The following CABLES1 variants were observed in gnomAD, a reference collection of about 807,000 sequenced individuals.
The protein encoded by CABLES1 is CDK5 and ABL1 enzyme substrate 1.
A neutral mutation model predicts 57.8 loss-of-function variants in CABLES1; 36 were observed. The ratio of observed to expected loss-of-function variants is 0.62; its 90% CI spans 0.48 to 0.82. CABLES1 has a LOEUF of 0.82. Among genes scored for constraint, CABLES1 ranks in the 40% least tolerant of loss-of-function variants. The pLI, the probability that CABLES1 is intolerant of heterozygous loss-of-function variation, is 0.00. For missense variants in CABLES1, 767 were observed against 836.6 expected (o/e 0.92, Z 1.03); for synonymous variants, 374 against 363.0 (o/e 1.03, Z -0.35).
intron 1 of CABLES1, among the ~76,000 whole-genome samples, chr18:23,181,034 G>T (rs989023987): frequency 1.3e-5 from 2 of 152,176 alleles, no homozygotes; most frequent in African/African-American, 2.4e-5. Context: ...GGTAAAGGAG[G>T]CTAGAACATG....
chr18:23,230,955 A>G (rs2047563276), intron 4 of CABLES1, among the ~76,000 whole-genome samples: 1 of 152,190 alleles, frequency 6.6e-6, no homozygotes, highest in South Asian at 2.1e-4. Context: ...AATCTTTATC[A>G]TGGCTGGGAG....
At chr18:23,215,648 G>A (rs185480110) in intron 4 of CABLES1, among the ~76,000 whole-genome samples, 239 of 152,268 alleles carry the variant, frequency 1.6e-3, no homozygotes, top group African/African-American at 5.5e-3. Flanking sequence ...CCAGGTGCCC[G>A]GGACAAAGGC....
At position 23,253,844 on chromosome 18, in the gene CABLES1, CAG is replaced by C. The variant is rs2048099877; in HGVS notation, c.1671_1672del (p.Asn558ProfsTer18). On this transcript the variant is annotated frameshift_variant, in exon 9 of 10. Transcript: ENST00000256925. LOFTEE classifies it high-confidence loss of function. ...CGCCCTCAAGGGGAAACTCAACAAA[CAG>C]AACCGGAAGCTGTGTGCTGGGGCAT... Reference protein sequence around the residue: ...KLALKGKLNKQNRKLCAGACV... With the variant: ...KLALKGKLNKXNRKLCAGACV... 6.2e-7 allele frequency: 1 copy of C among 1,614,114 alleles called. No individual in the cohort carries two copies. The highest frequency in any genetic ancestry group is 8.5e-7 in the Non-Finnish European group (1 of 1,180,056).
chr18:23,257,505 T>A lies in CABLES1; in HGVS notation c.*138T>A. 1 of 969,640 alleles carries A rather than the reference T, an allele frequency of 1.0e-6. No individual in the cohort carries two copies. Among genetic ancestry groups the A allele is most frequent in the Non-Finnish European group, 1.5e-6 (1 of 686,098 alleles). 60.1% of individuals were successfully genotyped at this position (969,640 alleles called of 1,614,324 possible). ...CTCGACATAGTTTGGGGAGAAGCAG[T>A]ACTAGAAACTTTCCAAGGAGTCTTG... On this transcript the variant is annotated 3_prime_UTR_variant, in exon 10 of 10. Transcript: ENST00000256925.
chr18:23,230,944 G>A (rs879329588), intron 4 of CABLES1, among the ~76,000 whole-genome samples: 6 of 152,198 alleles, frequency 3.9e-5, no homozygotes, highest in East Asian at 1.9e-4. Context: ...TGTGAATTAC[G>A]AATCTTTATC....
intron 3 of CABLES1, among the ~76,000 whole-genome samples, chr18:23,201,907 GGGAGCCAGCCCT>G (rs1333515649): frequency 6.6e-6 from 1 of 152,190 alleles, no homozygotes; most frequent in African/African-American, 2.4e-5. Context: ...AGGGAGGTGA[GGGAGCCAGCCCT>G]GGGGCTATCC....
At chr18:23,197,538 C>T (rs778609819) in intron 3 of CABLES1, 1 of 152,510 alleles carries the variant, frequency 6.6e-6, no homozygotes, top group African/African-American at 2.4e-5. Flanking sequence ...TGCTACAAAT[C>T]GTTGGGCCAG....
chr18:23,203,091 G>C (rs956399289), intron 3 of CABLES1, among the ~76,000 whole-genome samples: 2 of 152,080 alleles, frequency 1.3e-5, no homozygotes, highest in Non-Finnish European at 2.9e-5. Context: ...GGTGCTCCCA[G>C]TTCTTGAGAC....
At chr18:23,188,018 A>G (rs753372786) in intron 1 of CABLES1, among the ~76,000 whole-genome samples, 20 of 152,190 alleles carry the variant, frequency 1.3e-4, no homozygotes, top group Non-Finnish European at 2.9e-4. Flanking sequence ...GAACAACCCA[A>G]ACTTTTTCAA....
In CABLES1 at chr18:23,236,054, A is replaced by AAC; in HGVS notation, c.1342+4_1342+5dup. The AAC allele has an allele frequency of 6.2e-7, 1 of 1,613,822 alleles. No homozygotes were observed. Reference sequence around the variant, plus strand: ...CACCCAGGGGAGCCTCGACACAGGTAACCTTGGCCTGGCTGGGTCTGGTAG... The same window carrying AAC: ...CACCCAGGGGAGCCTCGACACAGGTAACACCTTGGCCTGGCTGGGTCTGGTAG... On this transcript the variant is annotated splice_donor_region_variant and intron_variant, in intron 6 of 9. Transcript: ENST00000256925.
At chr18:23,189,344 G>A (rs2047225298) in intron 2 of CABLES1, 1 of 172,396 alleles carries the variant, frequency 5.8e-6, no homozygotes, top group South Asian at 1.3e-4. Flanking sequence ...AGCCCAATTA[G>A]GATAGTTGTG....
intron 3 of CABLES1, among the ~76,000 whole-genome samples, chr18:23,195,585 A>G (rs547105656): frequency 3.1e-4 from 47 of 152,346 alleles, no homozygotes; most frequent in African/African-American, 1.1e-3. Context: ...CTAGTTTTAA[A>G]GCCTTATAAG....
intron 7 of CABLES1, among the ~76,000 whole-genome samples, chr18:23,244,988 T>G (rs2047838416): frequency 6.6e-6 from 1 of 152,236 alleles, no homozygotes; most frequent in South Asian, 2.1e-4. Context: ...TTTCTGTTGT[T>G]TCTGTTGGAA....
At chr18:23,181,721 T>C (rs2047168436) in intron 1 of CABLES1, among the ~76,000 whole-genome samples, 1 of 152,130 alleles carries the variant, frequency 6.6e-6, no homozygotes, top group Non-Finnish European at 1.5e-5. Context: ...TGTGACAGCA[T>C]GGCCCCTCCC....
At chr18:23,176,978 A>G (rs913618453) in intron 1 of CABLES1, among the ~76,000 whole-genome samples, 1 of 152,028 alleles carries the variant, frequency 6.6e-6, no homozygotes, top group African/African-American at 2.4e-5. Flanking sequence ...TGCTGGTTCT[A>G]ATGAAGTTAG....
At position 23,259,909 on chromosome 18, in the gene CABLES1, CTCAGAGA is replaced by C. The variant is rs2048254130; in HGVS notation, c.*2545_*2551del. 1.3e-5 allele frequency: 2 copies of C among 152,414 alleles called. No homozygotes were observed. The highest frequency in any genetic ancestry group is 1.3e-4 in the Admixed American group (2 of 15,290). The allele number at this position is 152,414 out of a possible 1,614,324, so 9.4% of individuals were successfully genotyped here. ...TGAGGCCTCTCCAGTCCTCCCCACA[CTCAGAGA>C]TCTGTGGGGAAGCTCCGCCCAGCCA... On this transcript the variant is annotated 3_prime_UTR_variant, in exon 10 of 10. Transcript: ENST00000256925.
At chr18:23,209,291 A>G (rs1445694015) in intron 3 of CABLES1, among the ~76,000 whole-genome samples, 1 of 152,234 alleles carries the variant, frequency 6.6e-6, no homozygotes, top group Non-Finnish European at 1.5e-5. Flanking sequence ...CGTCAGTGCT[A>G]TCCGTGGTTT....
intron 1 of CABLES1, among the ~76,000 whole-genome samples, chr18:23,143,780 G>A (rs1208216935): frequency 6.6e-6 from 1 of 151,462 alleles, no homozygotes; most frequent in Non-Finnish European, 1.5e-5. Context: ...CCTGGATAAT[G>A]TGGTGGCCCG....
intron 2 of CABLES1, among the ~76,000 whole-genome samples, chr18:23,191,783 A>C (rs950383976): frequency 6.6e-6 from 1 of 152,102 alleles, no homozygotes; most frequent in Admixed American, 6.5e-5. Flanking sequence ...CTGTGAAATT[A>C]ATTCATTCTT....
Sources: gnomAD v4.1 joint callset for allele counts (sites outside exome capture counted in the v4.1 genomes callset) on GRCh38, gnomAD v4.1.1 for gene constraint, MANE v1.5 for transcripts, NCBI Gene and HGNC (gene_info 2026-07-23, HGNC 2026-07-21) for gene names.